MARCHF1: variants seen among roughly 807,000 people sequenced by gnomAD.
The protein encoded by MARCHF1 is E3 ubiquitin-protein ligase MARCHF1.
In MARCHF1, 40 loss-of-function variants were observed where a neutral mutation model predicts 54.2. The ratio of observed to expected loss-of-function variants is 0.74; its 90% CI spans 0.57 to 0.96. The LOEUF is 0.96. Among genes scored for constraint, MARCHF1 ranks in the 40% least tolerant of loss-of-function variants. The pLI is 0.00. For missense variants in MARCHF1, 586 were observed against 656.5 expected, an observed-to-expected ratio of 0.89 and a Z score of 1.17; for synonymous variants, 236 against 236.3, an observed-to-expected ratio of 1.00 and a Z score of 0.01.
At chr4:163,835,635 G>A (rs1749159469) in intron 4 of MARCHF1, among the ~76,000 whole-genome samples, 1 of 152,108 alleles carries the variant, frequency 6.6e-6, no homozygotes, top group African/African-American at 2.4e-5. Context: ...CCATGTGGCC[G>A]TGCTGCAATT....
chr4:164,051,389 C>T (rs1051041846), intron 2 of MARCHF1, among the ~76,000 whole-genome samples: 3 of 152,022 alleles, frequency 2.0e-5, no homozygotes, highest in Non-Finnish European at 4.4e-5. Context: ...ACATTATATA[C>T]AATATGCTTT....
intron 3 of MARCHF1, among the ~76,000 whole-genome samples, chr4:163,911,149 T>TTGGACTA (rs1309205707): frequency 1.3e-5 from 2 of 152,206 alleles, no homozygotes; most frequent in African/African-American, 4.8e-5. Context: ...ATGCTGTGGT[T>TTGGACTA]TGGACTACAG....
chr4:163,907,400 C>A (rs979486988), intron 3 of MARCHF1, among the ~76,000 whole-genome samples: 1 of 151,898 alleles, frequency 6.6e-6, no homozygotes, highest in African/African-American at 2.4e-5. Flanking sequence ...AGTAATAGGT[C>A]ACGATATAAA....
chr4:164,147,073 A>G (rs1177959513), intron 1 of MARCHF1, among the ~76,000 whole-genome samples: 3 of 152,164 alleles, frequency 2.0e-5, no homozygotes, highest in Non-Finnish European at 4.4e-5. Flanking sequence ...ACATGAAAAA[A>G]TGCTCACCAT....
intron 2 of MARCHF1, among the ~76,000 whole-genome samples, chr4:164,047,229 G>GCAAGAAAAAAGGCACTT (rs36227186): frequency 2.0e-5 from 3 of 150,344 alleles, no homozygotes; most frequent in African/African-American, 4.9e-5. Context: ...CTGACAAGCA[G>GCAAGAAAAAAGGCACTT]CAAGAAAAAA....
At chr4:164,289,078 C>A (rs1734221839) in intron 1 of MARCHF1, among the ~76,000 whole-genome samples, 1 of 151,898 alleles carries the variant, frequency 6.6e-6, no homozygotes, top group Non-Finnish European at 1.5e-5. Flanking sequence ...CTCATTTTTC[C>A]CTCAACAAAT....
chr4:163,720,314 G>A (rs1257420995), intron 4 of MARCHF1, among the ~76,000 whole-genome samples: 1 of 152,122 alleles, frequency 6.6e-6, no homozygotes, highest in Non-Finnish European at 1.5e-5. Context: ...TTTTTGTCAG[G>A]TTTGTCAAAG....
At position 163,528,673 on chromosome 4, in the gene MARCHF1, A is replaced by G. The variant is rs1045480192; in HGVS notation, c.*75T>C. 4.2e-6 allele frequency: 6 copies of G among 1,423,622 alleles called. No individual in the cohort carries two copies. In the African/African-American group the frequency reaches 7.2e-5, roughly 17 times the overall value. The allele number at this position is 1,423,622 out of a possible 1,614,324, so 88.2% of individuals were successfully genotyped here. A position where few individuals can be genotyped will look rare whatever the true frequency, so the allele number is the denominator to read the frequency against. On this transcript the variant is annotated 3_prime_UTR_variant, in exon 10 of 10. Coordinates refer to ENST00000514618, the MANE Select transcript of MARCHF1 (RefSeq NM_001394959.1). ...GGAGCTGAAGGGAGTAAATAATTCA[A>G]GATCACTTCTGTCATTTGTAGTGGC... is the stretch of plus-strand genomic sequence containing the variant.
chr4:163,955,008 C>T (rs899420657), intron 3 of MARCHF1, among the ~76,000 whole-genome samples: 4 of 151,976 alleles, frequency 2.6e-5, no homozygotes, highest in African/African-American at 7.2e-5. Context: ...ATTTTAGCAA[C>T]ATTCTTTGTG....
At chr4:163,815,564 T>C (rs1198044200) in intron 4 of MARCHF1, among the ~76,000 whole-genome samples, 1 of 152,150 alleles carries the variant, frequency 6.6e-6, no homozygotes, top group Non-Finnish European at 1.5e-5. Flanking sequence ...CTGGAGTGGC[T>C]AGGATTCCAA....
Position 164,227,726 on chromosome 4 carries a change from A to G in MARCHF1, c.-322-116064T>C, listed in dbSNP as rs189674885. Among the ~76,000 whole-genome samples, 10 of 152,302 alleles carry G rather than the reference A, an allele frequency of 6.6e-5. No homozygotes were observed. The East Asian group carries it at 1.7e-3, about 26-fold the overall frequency. On this transcript the variant is annotated intron_variant, in intron 1 of 9. Coordinates refer to ENST00000514618, the MANE Select transcript of MARCHF1 (RefSeq NM_001394959.1). Reference sequence around the variant, plus strand: ...ACCTACTCAATGTTGTTAATTTAAAAAAAAACTATATGTTTACACTCAACT... The same window carrying G: ...ACCTACTCAATGTTGTTAATTTAAAGAAAAACTATATGTTTACACTCAACT...
At chr4:164,375,638 T>C (rs1373019219) in intron 1 of MARCHF1, among the ~76,000 whole-genome samples, 1 of 152,182 alleles carries the variant, frequency 6.6e-6, no homozygotes, top group Non-Finnish European at 1.5e-5. Context: ...ATGGTCTGTA[T>C]TTGTTAGCAC....
chr4:164,175,768 G>A (rs557803826), intron 1 of MARCHF1, among the ~76,000 whole-genome samples: 7 of 152,254 alleles, frequency 4.6e-5, no homozygotes, highest in South Asian at 2.1e-4. Context: ...AGCCCACCAC[G>A]CTGCCCTGCA....
chr4:163,867,814 C>CTTTT (rs34739113), intron 3 of MARCHF1, among the ~76,000 whole-genome samples: 2 of 131,036 alleles, frequency 1.5e-5, no homozygotes, highest in Non-Finnish European at 3.2e-5. Flanking sequence ...CATCAATTTC[C>CTTTT]TTTTTTTTTT....
At chr4:163,843,979 C>A (rs1480648601) in intron 4 of MARCHF1, among the ~76,000 whole-genome samples, 2 of 151,212 alleles carry the variant, frequency 1.3e-5, no homozygotes, top group African/African-American at 4.9e-5. Flanking sequence ...AATTTGTTTT[C>A]TTTTTTAAAA....
At chr4:163,621,835 GA>G (rs1259840250) in intron 5 of MARCHF1, among the ~76,000 whole-genome samples, 1 of 152,132 alleles carries the variant, frequency 6.6e-6, no homozygotes, top group East Asian at 1.9e-4. Context: ...TGGGGGTAGA[GA>G]AGGGTATGAG....
chr4:163,932,661 A>G (rs1314427574), intron 3 of MARCHF1: 2 of 482,988 alleles, frequency 4.1e-6, no homozygotes, highest in Admixed American at 2.6e-5. Context: ...CGTGGCCTAC[A>G]TGAGTGCGGT....
chr4:164,071,436 T>A (rs1754865277), intron 2 of MARCHF1, among the ~76,000 whole-genome samples: 1 of 146,546 alleles, frequency 6.8e-6, no homozygotes, highest in South Asian at 2.1e-4. Context: ...AAATAAAAAT[T>A]AATAGTGATT....
chr4:164,099,571 A>G (rs1560903299), intron 2 of MARCHF1, among the ~76,000 whole-genome samples: 1 of 152,334 alleles, frequency 6.6e-6, no homozygotes, highest in East Asian at 1.9e-4. Flanking sequence ...CATATTAGAA[A>G]GCAATGAAGC....
Sources: allele counts gnomAD v4.1 joint callset (sites outside exome capture counted in the v4.1 genomes callset), GRCh38; gene constraint gnomAD v4.1.1; transcripts MANE v1.5; gene names NCBI Gene and HGNC (gene_info 2026-07-23, HGNC 2026-07-21).